The following EXD3 variants were observed in gnomAD, a reference collection of about 807,000 sequenced individuals.
EXD3 encodes exonuclease mut-7 homolog.
EXD3 carries 92 observed loss-of-function variants against 98.0 expected under a neutral mutation model. That is an observed-to-expected ratio of 0.94 (90% CI 0.79 to 1.12). EXD3 has a LOEUF of 1.12. EXD3 is among the 50% of genes most tolerant of loss of function. The pLI is 0.00. For synonymous variants in EXD3, 569 were observed against 526.0 expected, an observed-to-expected ratio of 1.08 and a Z score of -1.12; for missense variants, 1,222 against 1,191.6, an observed-to-expected ratio of 1.03 and a Z score of -0.38.
At position 137,420,737 on chromosome 9, in the gene EXD3, A is replaced by AACCC. The variant is rs1554743328; in HGVS notation, c.-48+2376_-48+2377insGGGT. Among the ~76,000 whole-genome samples the AACCC allele has an allele frequency of 3.6e-4, 40 of 112,440 alleles. 1 individual carries two copies. The highest frequency in any genetic ancestry group is 6.0e-4 in the Non-Finnish European group (31 of 51,742). The allele number at this position is 112,440 out of a possible 152,430, so 73.8% of individuals were successfully genotyped here. A position where few individuals can be genotyped will look rare whatever the true frequency, so the allele number is the denominator to read the frequency against. On this transcript the variant is annotated intron_variant, in intron 1 of 21. Transcript: ENST00000340951. ...TTTGGGACCTGGAGGACAGACATTC[A>AACCC]CCCCCCCCCCCAAATTCATACAGGT...
At chr9:137,350,567 C>T (rs1289499053) in intron 14 of EXD3, among the ~76,000 whole-genome samples, 2 of 29,822 alleles carry the variant, frequency 6.7e-5, no homozygotes, top group Non-Finnish European at 6.0e-5. Flanking sequence ...GTGGGGATCA[C>T]GGGGAAGGTG....
chr9:137,422,112 TAAA>T (rs35073810), intron 1 of EXD3, among the ~76,000 whole-genome samples: 3 of 119,472 alleles, frequency 2.5e-5, no homozygotes, highest in Non-Finnish European at 3.5e-5. Context: ...GTGGTGTTCT[TAAA>T]AAAAAAAAAA....
chr9:137,349,537 A>G lies in EXD3; in HGVS notation c.1495-6T>C, dbSNP rs773386937. 188 of 1,576,894 alleles carry G rather than the reference A, an allele frequency of 1.2e-4. No homozygotes were observed. The highest frequency in any genetic ancestry group is 3.6e-4 in the Admixed American group (20 of 56,100). On this transcript the variant is annotated splice_region_variant and splice_polypyrimidine_tract_variant and intron_variant, in intron 14 of 21. Transcript: ENST00000340951. This position sits in a 1 kb window ranked among gnomAD's most constrained non-coding sequence, Gnocchi z 7.4. ...GGCACGCTCGCCACCCGCATCTGCT[A>G]AGACAGTGCCCTGCAGGGTAACGCG... is the stretch of plus-strand genomic sequence containing the variant.
intron 17 of EXD3, among the ~76,000 whole-genome samples, chr9:137,341,808 A>G (rs34538400): frequency 4.4e-4 from 10 of 22,896 alleles, no homozygotes; most frequent in Admixed American, 4.7e-4. Context: ...CAGAGGAAAC[A>G]GGGCTCAGGC....
At chr9:137,390,516 A>G (rs533772273) in intron 2 of EXD3, among the ~76,000 whole-genome samples, 17 of 152,362 alleles carry the variant, frequency 1.1e-4, no homozygotes, top group African/African-American at 2.9e-4. Flanking sequence ...GTGGTTTCAC[A>G]TAAACTAACT....
In EXD3 at chr9:137,352,154, C is replaced by A. The variant is rs79722133; in HGVS notation, c.1085G>T (p.Arg362Leu). 1.9e-6 allele frequency: 3 copies of A among 1,612,876 alleles called. No homozygotes were observed. In the Admixed American group the frequency reaches 5.0e-5, roughly 27 times the overall value. Residue 362 changes from arginine to leucine, a missense_variant, in exon 12 of 22, where the codon CGT (arginine) becomes CTT (leucine). Physicochemically the swap from Arg to Leu is moderately radical, Grantham distance 102. Transcript: ENST00000340951. Reference protein sequence around the residue: ...SRLEVKDMKDRYYQLPIPREN... With the variant: ...SRLEVKDMKDLYYQLPIPREN... ...CCTGGGGATGGGCAGCTGGTAGTAA[C>A]GGTCCTTCATGTCCTTCACCTCCAG... is the stretch of plus-strand genomic sequence containing the variant.
chr9:137,349,773 G>C lies in EXD3; in HGVS notation c.1495-242C>G, dbSNP rs975803278. On this transcript the variant is annotated intron_variant, in intron 14 of 21. Transcript: ENST00000340951. This position sits in a 1 kb window ranked among gnomAD's most constrained non-coding sequence, Gnocchi z 7.4. The stretch of plus-strand genomic sequence containing the variant: ...CGGGGGCCCTGGTCAGCAGTCCCAC[G>C]GTAACCCCGCCCAGCCCCTCACAGC... Among the ~76,000 whole-genome samples, 1 of 152,090 alleles carries C rather than the reference G, an allele frequency of 6.6e-6. No individual in the cohort carries two copies. Among genetic ancestry groups the C allele is most frequent in the Non-Finnish European group, 1.5e-5 (1 of 67,988 alleles).
chr9:137,376,343 C>CAA lies in EXD3; in HGVS notation c.121-2746_121-2745dup, dbSNP rs765888922. On this transcript the variant is annotated intron_variant, in intron 3 of 21. Transcript: ENST00000340951. The stretch of plus-strand genomic sequence containing the variant: ...TGGGCGACAGAGCAAGACTCTGTCT[C>CAA]AAAAAAAAAAAAAAAAAAAAAAAAA... 3.5e-3 allele frequency among the ~76,000 whole-genome samples: 140 copies of CAA among 39,664 alleles called. 1 individual carries two copies. The highest frequency in any genetic ancestry group is 8.5e-3 in the East Asian group (10 of 1,170). The allele number at this position is 39,664 out of a possible 152,430, so 26.0% of individuals were successfully genotyped here.
Position 137,407,824 on chromosome 9 carries a change from A to AGG in EXD3, c.-47-12421_-47-12420insCC, listed in dbSNP as rs1837801829. ...ATGCGCCGGCTGGACCCAAGGACAC[A>AGG]CGCGGGAGGCGGGAGGCGGGAGGGG... On this transcript the variant is annotated intron_variant, in intron 1 of 21. Transcript: ENST00000340951. The surrounding 1 kb of genome is among the most constrained non-coding windows in gnomAD (Gnocchi z 4.4). 1.4e-5 allele frequency among the ~76,000 whole-genome samples: 2 copies of AGG among 145,498 alleles called. No individual in the cohort carries two copies. The highest frequency in any genetic ancestry group is 3.0e-5 in the Non-Finnish European group (2 of 65,740).
intron 7 of EXD3, among the ~76,000 whole-genome samples, chr9:137,364,664 C>T (rs1835132255): frequency 1.3e-5 from 2 of 151,870 alleles, no homozygotes; most frequent in African/African-American, 2.4e-5. Context: ...TGAAATCTAA[C>T]ACTGCAGGGT....
chr9:137,364,992 T>C (rs1158081681), intron 7 of EXD3: 2 of 151,742 alleles, frequency 1.3e-5, no homozygotes, highest in Admixed American at 1.3e-4. Flanking sequence ...ATGGTCTCAA[T>C]CTCCTGACCT....
Position 137,327,196 on chromosome 9 carries a change from C to T in EXD3, c.1999-3053G>A, listed in dbSNP as rs186855332. ...TCGCCCAGGCTGGAGTGCAGTGGCA[C>T]GATCTTGGCTCACTGCAAGTTCTGC... On this transcript the variant is annotated intron_variant, in intron 17 of 21. Transcript: ENST00000340951. Among the ~76,000 whole-genome samples the T allele has an allele frequency of 4.2e-3, 629 of 151,110 alleles. 4 individuals carry two copies. Among genetic ancestry groups the T allele is most frequent in the African/African-American group, 0.014 (580 of 41,122 alleles).
Position 137,373,516 on chromosome 9 carries a change from G to A in EXD3, c.204C>T (p.Gly68=), listed in dbSNP as rs371077676. 18 of 1,604,752 alleles carry A rather than the reference G, an allele frequency of 1.1e-5. No individual in the cohort carries two copies. In the African/African-American group the frequency reaches 2.4e-4, roughly 21 times the overall value. ...GLLDMLESCR[G]QRGEGPSLAA... Reference sequence around the variant, plus strand: ...CCAGGGAGGGGCCCTCTCCCCGCTGGCCCCGGCAGCTCTCCAGCATGTCCA... The same window carrying A: ...CCAGGGAGGGGCCCTCTCCCCGCTGACCCCGGCAGCTCTCCAGCATGTCCA... Residue 68 remains glycine (G), a synonymous_variant, in exon 4 of 22, where the codon GGC becomes GGT. Coordinates refer to ENST00000340951, the MANE Select transcript of EXD3 (RefSeq NM_017820.5).
intron 2 of EXD3, chr9:137,392,943 C>T (rs1458188262): frequency 1.8e-6 from 1 of 566,796 alleles, no homozygotes; most frequent in Non-Finnish European, 3.2e-6. Flanking sequence ...CCAGGGAGGG[C>T]CATTAGTGTT....
At chr9:137,387,153 T>TCGGCCCCCGCTCCCTGCCTGGCCCC (rs2131735018) in intron 2 of EXD3, among the ~76,000 whole-genome samples, 1 of 69,550 alleles carries the variant, frequency 1.4e-5, no homozygotes, top group East Asian at 3.0e-4. Context: ...TGCCTGGCCC[T>TCGGCCCCCGCTCCCTGCCTGGCCCC]CGGCCCCCGC....
chr9:137,343,798 C>T (rs1174913490), intron 17 of EXD3, among the ~76,000 whole-genome samples: 1 of 150,680 alleles, frequency 6.6e-6, no homozygotes, highest in Non-Finnish European at 1.5e-5. Flanking sequence ...CCGTGTTAGC[C>T]AGGGTGGTCT....
At chr9:137,309,834 G>A in intron 19 of EXD3, 134 bp from the exon 20 acceptor site, 1 of 671,396 alleles carries the variant, frequency 1.5e-6, no homozygotes. Context: ...GTCCCCTCCT[G>A]TCCCCACGCA....
rs1251813607 is a variant in EXD3 at position 137,359,094 on chromosome 9, C to A, written c.657-2726G>T. Among the ~76,000 whole-genome samples the A allele has an allele frequency of 1.3e-4, 5 of 38,500 alleles. 1 individual carries two copies. In the South Asian group the frequency reaches 0.012, roughly 92 times the overall value. The allele number at this position is 38,500 out of a possible 152,430, so 25.3% of individuals were successfully genotyped here. A position where few individuals can be genotyped will look rare whatever the true frequency, so the allele number is the denominator to read the frequency against. ...CCAGAGTAGCTGGGACTACAGGCGC[C>A]CGCCACCACGCCTGGGTAATTTTTT... On this transcript the variant is annotated intron_variant, in intron 7 of 21. Transcript: ENST00000340951.
chr9:137,350,960 A>G, intron 14 of EXD3, 78 bp downstream of exon 14: 1 of 1,159,390 alleles, frequency 8.6e-7, no homozygotes, highest in Non-Finnish European at 1.2e-6. Flanking sequence ...GGCCGCTGGG[A>G]AGGTGTGGAG....
Sources: gnomAD v4.1 joint callset for allele counts (sites outside exome capture counted in the v4.1 genomes callset) on GRCh38, gnomAD v4.1.1 for gene constraint, Gnocchi (gnomAD v3.1) non-coding constraint, MANE v1.5 for transcripts, NCBI Gene and HGNC (gene_info 2026-07-23, HGNC 2026-07-21) for gene names.